ROBO2: variants seen among roughly 807,000 people sequenced by gnomAD.
The protein encoded by ROBO2 is roundabout homolog 2.
Under a neutral mutation model 160.8 loss-of-function variants are expected in ROBO2, and 53 were observed. The observed-to-expected ratio is 0.33, with a 90% confidence interval of 0.26 to 0.41. The LOEUF is 0.41. Among genes scored for constraint, ROBO2 ranks in the 10% least tolerant of loss-of-function variants. The pLI is 1.00. For synonymous variants in ROBO2, 664 were observed against 611.7 expected, an observed-to-expected ratio of 1.09 and a Z score of -1.26; for missense variants, 1,577 against 1,722.4, an observed-to-expected ratio of 0.92 and a Z score of 1.49.
intron 2 of ROBO2, among the ~76,000 whole-genome samples, chr3:76,399,566 C>T (rs1002616623): frequency 6.6e-6 from 1 of 151,566 alleles, no homozygotes; most frequent in Admixed American, 6.6e-5. Flanking sequence ...AAATTAATGG[C>T]ATAATAAAAC....
chr3:77,559,375 T>C (rs2093244932), intron 9 of ROBO2, among the ~76,000 whole-genome samples: 1 of 152,114 alleles, frequency 6.6e-6, no homozygotes, highest in African/African-American at 2.4e-5. Context: ...GGTAAGTCCC[T>C]TCCTCCTACC....
chr3:76,622,743 T>G (rs1480355442), intron 2 of ROBO2, among the ~76,000 whole-genome samples: 1 of 152,198 alleles, frequency 6.6e-6, no homozygotes, highest in Non-Finnish European at 1.5e-5. Context: ...TTTCTTTGCC[T>G]ACAATCTCTC....
intron 2 of ROBO2, among the ~76,000 whole-genome samples, chr3:76,848,673 C>T (rs947736965): frequency 1.3e-5 from 2 of 152,202 alleles, no homozygotes; most frequent in Non-Finnish European, 2.9e-5. Context: ...CCTGATGTCA[C>T]CTCCTTGCTG....
At chr3:76,756,659 A>G (rs2060987049) in intron 2 of ROBO2, among the ~76,000 whole-genome samples, 1 of 151,852 alleles carries the variant, frequency 6.6e-6, no homozygotes, top group Non-Finnish European at 1.5e-5. Flanking sequence ...ACTTTTAATT[A>G]TCTATTTTTC....
chr3:77,167,192 T>C (rs2079176591), intron 2 of ROBO2, among the ~76,000 whole-genome samples: 1 of 152,200 alleles, frequency 6.6e-6, no homozygotes, highest in Non-Finnish European at 1.5e-5. Context: ...GTTATTTATT[T>C]AAACATTGTA....
intron 2 of ROBO2, among the ~76,000 whole-genome samples, chr3:77,277,157 C>CTTCTTTCTTTCTTTCTTTCTTTCTTTCT (rs758551962): frequency 7.9e-5 from 7 of 88,214 alleles, no homozygotes; most frequent in Admixed American, 7.3e-4. Context: ...TCCTTCTTTC[C>CTTCTTTCTTTCTTTCTTTCTTTCTTTCT]TTCTTTCTTT....
chr3:76,445,808 A>C (rs546541465), intron 2 of ROBO2, among the ~76,000 whole-genome samples: 1 of 152,192 alleles, frequency 6.6e-6, no homozygotes, highest in South Asian at 2.1e-4. Flanking sequence ...ATCTCAACAG[A>C]TGAAGAAAAG....
chr3:77,483,940 A>G (rs1218477894), intron 4 of ROBO2, among the ~76,000 whole-genome samples: 1 of 151,714 alleles, frequency 6.6e-6, no homozygotes, highest in African/African-American at 2.4e-5. Flanking sequence ...TTCTTCAAGT[A>G]TTTTGATTCT....
intron 2 of ROBO2, among the ~76,000 whole-genome samples, chr3:76,235,606 TAAAG>T (rs1704894550): frequency 6.6e-6 from 1 of 152,156 alleles, no homozygotes; most frequent in Non-Finnish European, 1.5e-5. Context: ...AAAGTCAACT[TAAAG>T]AGACATAAAA....
At chr3:76,623,383 C>G (rs2089368898) in intron 2 of ROBO2, among the ~76,000 whole-genome samples, 1 of 152,036 alleles carries the variant, frequency 6.6e-6, no homozygotes, top group South Asian at 2.1e-4. Flanking sequence ...ATTAGAGTAA[C>G]CTTGGTAGAA....
intron 2 of ROBO2, among the ~76,000 whole-genome samples, chr3:76,868,506 C>T (rs369384449): frequency 2.0e-5 from 3 of 152,056 alleles, no homozygotes; most frequent in South Asian, 2.1e-4. Flanking sequence ...TAAATCACAA[C>T]GTTCTATGTT....
rs1009818511 is a variant in ROBO2, at chr3:77,027,595, TAAAC to T, written c.110-70415_110-70412del. Among the ~76,000 whole-genome samples the T allele has an allele frequency of 3.9e-5, 6 of 152,218 alleles. No individual in the cohort carries two copies. In the East Asian group the frequency reaches 7.7e-4, roughly 20 times the overall value. ...TTTGGTATTAAATGATGGGAACTGT[TAAAC>T]AAAATCTTTGCCACATTTATGTCAG... On this transcript the variant is annotated intron_variant, in intron 2 of 26. Coordinates refer to the ROBO2 transcript ENST00000487694.
At chr3:76,469,577 T>G (rs2078544055) in intron 2 of ROBO2, among the ~76,000 whole-genome samples, 1 of 152,072 alleles carries the variant, frequency 6.6e-6, no homozygotes, top group South Asian at 2.1e-4. Flanking sequence ...TTTGCAATAC[T>G]TATTATCCCT....
intron 2 of ROBO2, among the ~76,000 whole-genome samples, chr3:76,652,232 A>G (rs903429518): frequency 1.3e-5 from 2 of 152,250 alleles, no homozygotes; most frequent in African/African-American, 4.8e-5. Context: ...AGCTGTACCC[A>G]CAAATGAGGT....
Position 77,274,895 on chromosome 3 carries a change from A to C in ROBO2, c.388+176555A>C, listed in dbSNP as rs531153290. Among the ~76,000 whole-genome samples the C allele has an allele frequency of 2.0e-5, 3 of 152,246 alleles. No individual in the cohort carries two copies. In the East Asian group the frequency reaches 5.8e-4, roughly 29 times the overall value. Reference sequence around the variant, plus strand: ...TACTTTAGAGGTTTTTTAAAGACTGATTTAAAATTAAAAAACAGATATCTA... The same window carrying C: ...TACTTTAGAGGTTTTTTAAAGACTGCTTTAAAATTAAAAAACAGATATCTA... On this transcript the variant is annotated intron_variant, in intron 2 of 25. Coordinates refer to ENST00000461745, the Ensembl canonical transcript of ROBO2.
chr3:77,395,175 A>G (rs953734748), intron 2 of ROBO2, among the ~76,000 whole-genome samples: 8 of 152,158 alleles, frequency 5.3e-5, no homozygotes, highest in Non-Finnish European at 7.4e-5. Context: ...CTATTATGAT[A>G]GATTGATTTT....
At chr3:76,260,588 A>G (rs1706681248) in intron 2 of ROBO2, among the ~76,000 whole-genome samples, 1 of 152,088 alleles carries the variant, frequency 6.6e-6, no homozygotes, top group South Asian at 2.1e-4. Context: ...TCCAAATAGA[A>G]TGGATTAAAA....
intron 2 of ROBO2, among the ~76,000 whole-genome samples, chr3:77,445,845 A>C (rs1582009313): frequency 7.4e-6 from 1 of 135,002 alleles, no homozygotes; most frequent in Non-Finnish European, 1.5e-5. Flanking sequence ...AGCTTTCTGT[A>C]ATATAAACCA....
At chr3:77,187,611 T>C (rs2081395746) in intron 2 of ROBO2, among the ~76,000 whole-genome samples, 2 of 151,906 alleles carry the variant, frequency 1.3e-5, no homozygotes, top group African/African-American at 2.4e-5. Context: ...CGCTGCCTCA[T>C]GAGCAATGCT....
Sources: allele counts gnomAD v4.1 joint callset (sites outside exome capture counted in the v4.1 genomes callset), GRCh38; gene constraint gnomAD v4.1.1; transcripts MANE v1.5; gene names NCBI Gene and HGNC (gene_info 2026-07-23, HGNC 2026-07-21).